LUC7L2: variants seen among roughly 807,000 people sequenced by gnomAD.
LUC7L2 encodes the protein LUC7 like 2, pre-mRNA splicing factor.
In LUC7L2, 25 loss-of-function variants were observed where a neutral mutation model predicts 52.8. The ratio of observed to expected loss-of-function variants is 0.47; its 90% CI spans 0.34 to 0.66. LUC7L2 has a LOEUF of 0.66. LUC7L2 is among the 30% of genes least tolerant of loss of function. LUC7L2 has a pLI of 0.01. For missense variants in LUC7L2, 328 were observed against 497.8 expected (o/e 0.66, Z 3.25); for synonymous variants, 144 against 160.9 (o/e 0.89, Z 0.80).
At chr7:139,375,218 T>G (rs6963867) in intron 1 of LUC7L2, 259,696 of 982,290 alleles carry the variant, frequency 0.26, 43,095 homozygotes, top group African/African-American at 0.78. Context: ...TTTCTTAGAT[T>G]CTTTAACGTT....
Position 139,417,783 on chromosome 7 carries a change from TTA to T in LUC7L2, c.1001+56_1001+57del, listed in dbSNP as rs150024903. 2.9e-4 allele frequency: 443 copies of T among 1,548,382 alleles called. 3 individuals carry two copies. The African/African-American group carries it at 5.2e-3, about 18-fold the overall frequency. ...AGCTACCTTAATGTTTTAGAGTTGT[TTA>T]TGTTTACTTATGTTACTTATGTTTA... On this transcript the variant is annotated intron_variant, in intron 9 of 9. Transcript: ENST00000354926.
intron 2 of LUC7L2, among the ~76,000 whole-genome samples, chr7:139,379,921 C>T (rs372672462): frequency 2.6e-5 from 4 of 152,066 alleles, no homozygotes; most frequent in Non-Finnish European, 5.9e-5. Flanking sequence ...TGGTGGTTCA[C>T]GCCTGTAATC....
At chr7:139,416,819 CCTCAT>C (rs1398476120) in intron 8 of LUC7L2, 2 of 151,992 alleles carry the variant, frequency 1.3e-5, no homozygotes, top group African/African-American at 4.8e-5. Context: ...ACGTATTCTT[CCTCAT>C]CTCTTCTCTT....
In LUC7L2 at chr7:139,398,662, G is replaced by A. The variant is rs907675494; in HGVS notation, c.220G>A (p.Ala74Thr). The change falls in exon 3 of 10, where the codon GCA becomes ACA. Residue 74 changes from alanine to threonine, a missense_variant. Coordinates refer to ENST00000354926, the MANE Select transcript of LUC7L2 (RefSeq NM_016019.5). The part of the protein sequence containing the change: ...DLALRADYEI[A>T]SKEQDFFFEL... ...GGCTTTAAGAGCGGATTATGAAATT[G>A]CATCCAAAGAACAAGATTTTTTCTT... is the stretch of plus-strand genomic sequence containing the variant. 1 of 1,612,306 alleles carries A rather than the reference G, an allele frequency of 6.2e-7. No homozygotes were observed. The highest frequency in any genetic ancestry group is 8.5e-7 in the Non-Finnish European group (1 of 1,179,404).
Position 139,350,681 on chromosome 7 carries a change from CTT to C in LUC7L2, c.-26+10176_-26+10177del, listed in dbSNP as rs1176166251. ...TTGGCTTTGATGACACCACATTCTT[CTT>C]TTTTTTTTTTTGAGATGGAGTCTCG... On this transcript the variant is annotated intron_variant, in intron 1 of 10. Coordinates refer to the LUC7L2 transcript ENST00000541170. Among the ~76,000 whole-genome samples, 71 of 126,316 alleles carry C rather than the reference CTT, an allele frequency of 5.6e-4. 1 individual carries two copies. In the East Asian group the frequency reaches 0.01, roughly 18 times the overall value. 82.9% of individuals were successfully genotyped at this position (126,316 alleles called of 152,430 possible). A position where few individuals can be genotyped will look rare whatever the true frequency, so the allele number is the denominator to read the frequency against.
At chr7:139,361,816 G>A (rs1038215594) in intron 1 of LUC7L2, among the ~76,000 whole-genome samples, 2 of 152,174 alleles carry the variant, frequency 1.3e-5, no homozygotes, top group African/African-American at 4.8e-5. Flanking sequence ...CTAGCTAACA[G>A]AATAACTAAT....
chr7:139,385,139 G>A (rs915953971), intron 2 of LUC7L2, among the ~76,000 whole-genome samples: 1 of 152,028 alleles, frequency 6.6e-6, no homozygotes, highest in Non-Finnish European at 1.5e-5. Flanking sequence ...ATATGGGTAT[G>A]GCGGACTGTA....
chr7:139,346,733 C>A (rs1405907351), intron 1 of LUC7L2, among the ~76,000 whole-genome samples: 1 of 152,174 alleles, frequency 6.6e-6, no homozygotes, highest in Non-Finnish European at 1.5e-5. Flanking sequence ...TCAGCTATAA[C>A]CCACAGAGAG....
chr7:139,347,353 TGA>T (rs1799301586), intron 1 of LUC7L2, among the ~76,000 whole-genome samples: 2 of 151,770 alleles, frequency 1.3e-5, no homozygotes, highest in East Asian at 1.9e-4. Flanking sequence ...TTTGGGAAGC[TGA>T]TGTGGGCGGA....
At chr7:139,419,107 C>T (rs1233539250) in intron 9 of LUC7L2, among the ~76,000 whole-genome samples, 1 of 146,652 alleles carries the variant, frequency 6.8e-6, no homozygotes, top group Non-Finnish European at 1.5e-5. Context: ...GAGACTCCAG[C>T]TCTCAAAACA....
intron 1 of LUC7L2, among the ~76,000 whole-genome samples, chr7:139,372,945 T>C (rs1220936726): frequency 3.9e-5 from 6 of 152,214 alleles, no homozygotes; most frequent in African/African-American, 9.6e-5. Context: ...TCCAATGTCA[T>C]TGTGACAGGA....
intron 1 of LUC7L2, among the ~76,000 whole-genome samples, chr7:139,353,842 C>T (rs922770029): frequency 1.3e-5 from 2 of 151,806 alleles, no homozygotes; most frequent in African/African-American, 2.4e-5. Context: ...AGGCCAGGCA[C>T]GGTGGCTCAC....
chr7:139,368,774 A>C (rs1800298157), intron 1 of LUC7L2, among the ~76,000 whole-genome samples: 1 of 151,562 alleles, frequency 6.6e-6, no homozygotes, highest in Admixed American at 6.6e-5. Context: ...ATAAAGCATT[A>C]CAAATAAAGT....
At chr7:139,375,801 A>G (rs912210977) in intron 1 of LUC7L2, 3 of 356,148 alleles carry the variant, frequency 8.4e-6, no homozygotes, top group Non-Finnish European at 1.4e-5. Context: ...CTAAAATCCT[A>G]TGCTTTTCTG....
chr7:139,370,423 G>A (rs201808328), intron 1 of LUC7L2, among the ~76,000 whole-genome samples: 2 of 152,090 alleles, frequency 1.3e-5, no homozygotes, highest in Non-Finnish European at 2.9e-5. Context: ...AGTAATCATC[G>A]CTTTTACTTT....
At chr7:139,406,223 T>C (rs1795107539) in intron 5 of LUC7L2, among the ~76,000 whole-genome samples, 1 of 152,058 alleles carries the variant, frequency 6.6e-6, no homozygotes. Context: ...GGCTAATATT[T>C]ATATTTTTAG....
At chr7:139,410,298 ATT>A (rs60534122) in intron 7 of LUC7L2, among the ~76,000 whole-genome samples, 25,229 of 150,088 alleles carry the variant, frequency 0.17, 2,200 homozygotes, top group Middle Eastern at 0.28. Context: ...TAGAATTATT[ATT>A]TTTTTTTTAT....
upstream of LUC7L2, among the ~76,000 whole-genome samples, chr7:139,358,853 A>C (rs1283394280): frequency 3.3e-5 from 5 of 151,932 alleles, no homozygotes; most frequent in Non-Finnish European, 7.4e-5. Flanking sequence ...GCTAATTTTT[A>C]TATTTTTAGT....
upstream of LUC7L2, among the ~76,000 whole-genome samples, chr7:139,358,133 A>G (rs1409784153): frequency 6.6e-6 from 1 of 151,480 alleles, no homozygotes; most frequent in Non-Finnish European, 1.5e-5. Context: ...TCAGCCTCCG[A>G]GTAGCTGGGA....
Sources: allele counts gnomAD v4.1 joint callset (sites outside exome capture counted in the v4.1 genomes callset), GRCh38; gene constraint gnomAD v4.1.1; transcripts MANE v1.5; gene names NCBI Gene and HGNC (gene_info 2026-07-23, HGNC 2026-07-21).